Variants in TAFA1 observed in about 807,000 individuals in gnomAD.
The protein encoded by TAFA1 is chemokine-like protein TAFA-1.
TAFA1 carries 4 observed loss-of-function variants against 18.5 expected under a neutral mutation model. That is an observed-to-expected ratio of 0.22 (90% CI 0.11 to 0.49). The LOEUF (loss-of-function observed/expected upper bound fraction) is 0.49. TAFA1 is among the 20% of genes least tolerant of loss of function. The pLI, the probability that TAFA1 is intolerant of heterozygous loss-of-function variation, is 0.98. For synonymous variants in TAFA1, 56 were observed against 55.2 expected (o/e 1.01, Z -0.06); for missense variants, 147 against 169.0 (o/e 0.87, Z 0.72).
chr3:68,037,764 C>G (rs1021833984), intron 2 of TAFA1, among the ~76,000 whole-genome samples: 80 of 152,254 alleles, frequency 5.3e-4, no homozygotes, highest in African/African-American at 1.8e-3. Flanking sequence ...GAGAGAAGGT[C>G]TCTGGCAAGA....
chr3:68,214,513 G>T (rs1048142772), intron 2 of TAFA1, among the ~76,000 whole-genome samples: 7 of 152,052 alleles, frequency 4.6e-5, no homozygotes, highest in African/African-American at 1.7e-4. Context: ...GGAGCATAGT[G>T]TTCGAGAGCT....
At chr3:68,260,679 C>A (rs2067399351) in intron 2 of TAFA1, among the ~76,000 whole-genome samples, 1 of 152,056 alleles carries the variant, frequency 6.6e-6, no homozygotes, top group African/African-American at 2.4e-5. Flanking sequence ...AAAGGATTCC[C>A]TATTTAATAA....
At chr3:68,377,346 A>G (rs1219471017) in intron 2 of TAFA1, among the ~76,000 whole-genome samples, 1 of 152,160 alleles carries the variant, frequency 6.6e-6, no homozygotes, top group Non-Finnish European at 1.5e-5. Flanking sequence ...TGAAATCCAG[A>G]CTTAGGTGGT....
intron 2 of TAFA1, among the ~76,000 whole-genome samples, chr3:68,227,523 C>A (rs1354247032): frequency 1.3e-5 from 2 of 152,282 alleles, no homozygotes; most frequent in East Asian, 3.9e-4. Context: ...AAAATGAGTA[C>A]TTCAAACTCA....
chr3:68,074,520 G>T (rs1339148086), intron 2 of TAFA1, among the ~76,000 whole-genome samples: 1 of 152,042 alleles, frequency 6.6e-6, no homozygotes, highest in Non-Finnish European at 1.5e-5. Context: ...TCAATAAAAA[G>T]AAGGAAAACA....
intron 2 of TAFA1, among the ~76,000 whole-genome samples, chr3:68,339,892 G>A (rs1006950531): frequency 1.3e-5 from 2 of 152,124 alleles, no homozygotes; most frequent in African/African-American, 2.4e-5. Flanking sequence ...GGCTGCTTTG[G>A]ATTTGCCAAT....
chr3:68,492,468 A>G (rs2072470835), intron 3 of TAFA1, among the ~76,000 whole-genome samples: 2 of 152,224 alleles, frequency 1.3e-5, no homozygotes, highest in Non-Finnish European at 1.5e-5. Context: ...GATATTCTCC[A>G]TTCCCTCATT....
At chr3:68,005,713 T>C (rs892877689) in intron 1 of TAFA1, among the ~76,000 whole-genome samples, 1 of 152,230 alleles carries the variant, frequency 6.6e-6, no homozygotes, top group African/African-American at 2.4e-5. Flanking sequence ...TAGAAAATGC[T>C]TCCCTATCAC....
At chr3:67,992,760 T>C in the TAFA1 span, among the ~76,000 whole-genome samples, 3,423 of 152,330 alleles carry the variant, frequency 0.022, 134 homozygotes, top group African/African-American at 0.077. Flanking sequence ...CTTCTCTCTC[T>C]CCATCTTCAA....
At chr3:68,378,413 A>G (rs114681995) in intron 2 of TAFA1, among the ~76,000 whole-genome samples, 1,618 of 152,322 alleles carry the variant, frequency 0.011, 12 homozygotes, top group Non-Finnish European at 0.016. Flanking sequence ...CACTTGGAAC[A>G]GGAGCATTTA....
intron 2 of TAFA1, among the ~76,000 whole-genome samples, chr3:68,362,075 C>A (rs2069477786): frequency 6.6e-6 from 1 of 151,996 alleles, no homozygotes; most frequent in African/African-American, 2.4e-5. Context: ...GAGAATCAAG[C>A]AATAAGGTTG....
chr3:68,390,422 G>C (rs1372288671), intron 2 of TAFA1, among the ~76,000 whole-genome samples: 1 of 152,172 alleles, frequency 6.6e-6, no homozygotes, highest in South Asian at 2.1e-4. Context: ...GCAGCTGTGG[G>C]GACAGCTTAA....
chr3:68,128,074 G>T (rs1340017792), intron 2 of TAFA1, among the ~76,000 whole-genome samples: 1 of 151,780 alleles, frequency 6.6e-6, no homozygotes, highest in African/African-American at 2.4e-5. Flanking sequence ...CACTGATGTA[G>T]GGTAGGTATC....
At chr3:68,132,922 T>G (rs1168636031) in intron 2 of TAFA1, among the ~76,000 whole-genome samples, 9 of 152,234 alleles carry the variant, frequency 5.9e-5, no homozygotes, top group Admixed American at 5.9e-4. Context: ...GCCATTGCTT[T>G]TGGTGTTTTA....
At chr3:68,118,460 C>T (rs747987652) in intron 2 of TAFA1, among the ~76,000 whole-genome samples, 1 of 152,104 alleles carries the variant, frequency 6.6e-6, no homozygotes, top group Non-Finnish European at 1.5e-5. Context: ...TAACAGGTAA[C>T]GGACTGGTAC....
chr3:68,176,775 C>G (rs1031986916), intron 2 of TAFA1, among the ~76,000 whole-genome samples: 1 of 152,176 alleles, frequency 6.6e-6, no homozygotes, highest in African/African-American at 2.4e-5. Context: ...AATGGTGTCA[C>G]CAGCATAGCT....
intron 2 of TAFA1, among the ~76,000 whole-genome samples, chr3:68,352,545 G>A (rs751695681): frequency 2.6e-5 from 4 of 152,100 alleles, no homozygotes; most frequent in South Asian, 2.1e-4. Flanking sequence ...GTTTTCTCCA[G>A]TAAAGGAGAA....
intron 2 of TAFA1, among the ~76,000 whole-genome samples, chr3:68,263,987 C>A (rs566855864): frequency 6.6e-6 from 1 of 152,008 alleles, no homozygotes; most frequent in African/African-American, 2.4e-5. Flanking sequence ...ATACTCATTT[C>A]GGTCAAAATA....
intron 2 of TAFA1, among the ~76,000 whole-genome samples, chr3:68,125,642 T>C (rs556352820): frequency 6.6e-6 from 1 of 152,156 alleles, no homozygotes; most frequent in African/African-American, 2.4e-5. Flanking sequence ...AGGCTTAAAT[T>C]CTTGTTAAAA....
Sources: allele counts gnomAD v4.1 joint callset (sites outside exome capture counted in the v4.1 genomes callset), GRCh38; gene constraint gnomAD v4.1.1; transcripts MANE v1.5; gene names NCBI Gene and HGNC (gene_info 2026-07-23, HGNC 2026-07-21).